Variants in ESRRG observed in about 807,000 individuals in gnomAD.
The protein encoded by ESRRG is estrogen related receptor gamma.
In ESRRG, 13 loss-of-function variants were observed where a neutral mutation model predicts 44.0. That is an observed-to-expected ratio of 0.30 (90% CI 0.19 to 0.47). ESRRG has a LOEUF of 0.47. Ranked by LOEUF, ESRRG falls within the 20% of genes least tolerant of loss-of-function variation. The pLI is 1.00. For missense variants in ESRRG, 395 were observed against 580.6 expected, an observed-to-expected ratio of 0.68 and a Z score of 3.29; for synonymous variants, 215 against 214.6, an observed-to-expected ratio of 1.00 and a Z score of -0.02.
chr1:216,731,241 T>A (rs1420554599), intron 2 of ESRRG, among the ~76,000 whole-genome samples: 1 of 152,194 alleles, frequency 6.6e-6, no homozygotes, highest in Non-Finnish European at 1.5e-5. Flanking sequence ...ATTTATTTGG[T>A]TAAATGTTGA....
At chr1:216,638,731 A>G (rs957806963) in intron 3 of ESRRG, among the ~76,000 whole-genome samples, 4 of 152,220 alleles carry the variant, frequency 2.6e-5, no homozygotes, top group Non-Finnish European at 4.4e-5. Context: ...AGTGAATGGT[A>G]TGGAGCCAGC....
chr1:216,670,641 ACT>A (rs991350715), intron 2 of ESRRG, among the ~76,000 whole-genome samples: 1 of 151,906 alleles, frequency 6.6e-6, no homozygotes, highest in Non-Finnish European at 1.5e-5. Context: ...CCTGAGCGGG[ACT>A]CTCTCTTGGG....
At chr1:216,657,378 C>T (rs965319069) in intron 2 of ESRRG, among the ~76,000 whole-genome samples, 1 of 152,088 alleles carries the variant, frequency 6.6e-6, no homozygotes, top group African/African-American at 2.4e-5. Flanking sequence ...GGGATTCCAC[C>T]AAATACTTTT....
chr1:216,814,108 CT>C (rs1559737558), intron 2 of ESRRG, among the ~76,000 whole-genome samples: 2 of 146,054 alleles, frequency 1.4e-5, no homozygotes, highest in African/African-American at 5.0e-5. Context: ...GGCTTAAGTC[CT>C]TGGTCATGGG....
intron 2 of ESRRG, among the ~76,000 whole-genome samples, chr1:216,808,903 TC>T (rs1301265275): frequency 3.3e-5 from 5 of 152,108 alleles, no homozygotes; most frequent in African/African-American, 1.2e-4. Flanking sequence ...CAAAGAATTT[TC>T]CTCCTATTTT....
intron 2 of ESRRG, among the ~76,000 whole-genome samples, chr1:216,735,906 A>C (rs532039630): frequency 6.7e-6 from 1 of 150,350 alleles, no homozygotes; most frequent in Non-Finnish European, 1.5e-5. Flanking sequence ...TGAACCTAGG[A>C]AGCAGAGGTT....
chr1:216,680,054 T>A (rs1315369971), intron 1 of ESRRG, among the ~76,000 whole-genome samples: 1 of 152,190 alleles, frequency 6.6e-6, no homozygotes, highest in African/African-American at 2.4e-5. Context: ...CTAAACAAGG[T>A]CTGGCCACTG....
At chr1:216,722,876 T>C (rs1262954447) in intron 1 of ESRRG, among the ~76,000 whole-genome samples, 1 of 152,206 alleles carries the variant, frequency 6.6e-6, no homozygotes, top group Non-Finnish European at 1.5e-5. Context: ...ATTTTGAATA[T>C]TGTATTTTAA....
intron 5 of ESRRG, among the ~76,000 whole-genome samples, chr1:216,563,505 C>T (rs1219044493): frequency 2.0e-5 from 3 of 152,088 alleles, no homozygotes; most frequent in Non-Finnish European, 2.9e-5. Flanking sequence ...AAAAACATTG[C>T]TCATCATTCA....
rs2040651025 is a variant in ESRRG, at chr1:216,503,364, T to A, written c.*3575A>T. On this transcript the variant is annotated 3_prime_UTR_variant, in exon 7 of 7. Transcript: ENST00000408911. ...CAGAATCATATCTCCTTTTTGCATT[T>A]AACAATATATACAATATAAAATAAA... 1 of 152,594 alleles carries A rather than the reference T, an allele frequency of 6.6e-6. No homozygotes were observed. The highest frequency in any genetic ancestry group is 2.1e-4 in the South Asian group (1 of 4,826). 9.5% of individuals were successfully genotyped at this position (152,594 alleles called of 1,614,324 possible).
At chr1:216,601,181 G>C (rs1470948693) in intron 3 of ESRRG, among the ~76,000 whole-genome samples, 1 of 152,078 alleles carries the variant, frequency 6.6e-6, no homozygotes, top group Non-Finnish European at 1.5e-5. Context: ...CGGGCGCTCG[G>C]CCAGGGGCTC....
chr1:216,968,479 T>C (rs2070919150), intron 1 of ESRRG, among the ~76,000 whole-genome samples: 1 of 152,180 alleles, frequency 6.6e-6, no homozygotes, highest in African/African-American at 2.4e-5. Context: ...CAAGCACCAT[T>C]TGTTGAAAAG....
intron 3 of ESRRG, among the ~76,000 whole-genome samples, chr1:216,631,498 G>C (rs1302535633): frequency 6.6e-6 from 1 of 152,102 alleles, no homozygotes. Context: ...AATTATTCTT[G>C]TGTTATGAAG....
chr1:217,014,138 G>A (rs1353639228), intron 1 of ESRRG, among the ~76,000 whole-genome samples: 1 of 151,836 alleles, frequency 6.6e-6, no homozygotes, highest in Non-Finnish European at 1.5e-5. Context: ...GGGTGTTTGG[G>A]TTCTTATTTT....
intron 3 of ESRRG, among the ~76,000 whole-genome samples, chr1:216,650,604 TA>T (rs914057706): frequency 1.0e-3 from 154 of 147,372 alleles, no homozygotes; most frequent in Admixed American, 1.6e-3. Flanking sequence ...CAAGATTAAT[TA>T]AAAAAAAAAA....
chr1:216,954,817 C>A (rs2067649237), intron 1 of ESRRG, among the ~76,000 whole-genome samples: 1 of 152,128 alleles, frequency 6.6e-6, no homozygotes, highest in Admixed American at 6.6e-5. Flanking sequence ...CCTGCCTGAG[C>A]ATGTGTGAAC....
At chr1:216,845,600 G>C (rs1305684126) in intron 2 of ESRRG, among the ~76,000 whole-genome samples, 2 of 151,588 alleles carry the variant, frequency 1.3e-5, no homozygotes, top group Non-Finnish European at 2.9e-5. Context: ...TGGCTTGTAA[G>C]CTATACTGTT....
At chr1:216,894,107 AT>A (rs1202418329) in intron 2 of ESRRG, among the ~76,000 whole-genome samples, 2 of 151,980 alleles carry the variant, frequency 1.3e-5, no homozygotes, top group Non-Finnish European at 2.9e-5. Context: ...TATACTGTGG[AT>A]TTTTCTCATC....
At chr1:216,935,338 C>T (rs182177046) in intron 2 of ESRRG, among the ~76,000 whole-genome samples, 7 of 152,248 alleles carry the variant, frequency 4.6e-5, no homozygotes, top group South Asian at 2.1e-4. Flanking sequence ...GCTATAAATT[C>T]GAGGTTTCCT....
Sources: allele counts gnomAD v4.1 joint callset (sites outside exome capture counted in the v4.1 genomes callset), GRCh38; gene constraint gnomAD v4.1.1; transcripts MANE v1.5; gene names NCBI Gene and HGNC (gene_info 2026-07-23, HGNC 2026-07-21).